SPAG16: variants seen among roughly 807,000 people sequenced by gnomAD.
SPAG16 encodes sperm-associated antigen 16 protein.
In SPAG16, 86 loss-of-function variants were observed where a neutral mutation model predicts 80.4. The observed-to-expected ratio is 1.07, with a 90% CI of 0.90 to 1.28. The LOEUF (loss-of-function observed/expected upper bound fraction) is 1.28, where lower values mean the gene tolerates loss of function less well. SPAG16 is among the 50% of genes most tolerant of loss of function. The probability of loss-of-function intolerance (pLI) is 0.00; values close to 1 mark genes in which losing one functional copy is unlikely to be tolerated. For synonymous variants in SPAG16, 294 were observed against 265.9 expected (o/e 1.11, Z -1.03); for missense variants, 870 against 765.3 (o/e 1.14, Z -1.61).
intron 14 of SPAG16, 59 bp from the exon 15 acceptor site, chr2:214,149,081 A>G (rs530208604): frequency 1.9e-4 from 82 of 429,204 alleles, no homozygotes; most frequent in South Asian, 1.5e-3. Context: ...GTGTGTGTAT[A>G]TATATATATA....
At chr2:214,093,828 A>G (rs1439238290) in intron 13 of SPAG16, among the ~76,000 whole-genome samples, 1 of 152,062 alleles carries the variant, frequency 6.6e-6, no homozygotes, top group Non-Finnish European at 1.5e-5. Flanking sequence ...CAATATATAA[A>G]TGGCATGCTC....
At chr2:213,494,090 A>G (rs547901479) in intron 10 of SPAG16, among the ~76,000 whole-genome samples, 2 of 152,166 alleles carry the variant, frequency 1.3e-5, no homozygotes, top group South Asian at 2.1e-4. Context: ...GCATGATTCT[A>G]GTTTTCCTGC....
At chr2:213,411,827 A>G (rs1346105510) in intron 9 of SPAG16, among the ~76,000 whole-genome samples, 1 of 152,072 alleles carries the variant, frequency 6.6e-6, no homozygotes, top group Non-Finnish European at 1.5e-5. Context: ...AACCTCCCTT[A>G]ACTATCCTCC....
intron 11 of SPAG16, among the ~76,000 whole-genome samples, chr2:213,916,399 G>A (rs2077972304): frequency 6.6e-6 from 1 of 152,098 alleles, no homozygotes; most frequent in Non-Finnish European, 1.5e-5. Context: ...GTTTTTCTCA[G>A]GTTTGTCAAA....
At chr2:213,701,989 C>A (rs530922000) in intron 10 of SPAG16, among the ~76,000 whole-genome samples, 1 of 152,298 alleles carries the variant, frequency 6.6e-6, no homozygotes, top group African/African-American at 2.4e-5. Flanking sequence ...ATAAATGCAC[C>A]AATCAGCACT....
At chr2:213,867,074 T>A (rs2075718071) in intron 11 of SPAG16, among the ~76,000 whole-genome samples, 1 of 152,242 alleles carries the variant, frequency 6.6e-6, no homozygotes. Context: ...GGTTCTGTTT[T>A]TATCTAAGTT....
chr2:213,425,637 G>A, intron 9 of SPAG16, among the ~76,000 whole-genome samples: 1 of 125,356 alleles, frequency 8.0e-6, no homozygotes, highest in African/African-American at 3.1e-5. Context: ...GGGTGACAGA[G>A]CAAGACTCCA....
At chr2:214,275,307 T>C (rs186664844) in intron 15 of SPAG16, among the ~76,000 whole-genome samples, 1 of 152,230 alleles carries the variant, frequency 6.6e-6, no homozygotes, top group Non-Finnish European at 1.5e-5. Flanking sequence ...TCAGATCTGC[T>C]CTGATCTTAG....
chr2:214,275,426 A>T (rs1042866335), intron 15 of SPAG16, among the ~76,000 whole-genome samples: 1 of 152,114 alleles, frequency 6.6e-6, no homozygotes, highest in Non-Finnish European at 1.5e-5. Flanking sequence ...TTTTGTGGGC[A>T]TTTAGTGCTA....
intron 12 of SPAG16, among the ~76,000 whole-genome samples, chr2:213,937,804 C>T (rs4427965): frequency 0.33 from 49,744 of 151,764 alleles, 8,896 homozygotes; most frequent in South Asian, 0.46. Context: ...TTCAATATGG[C>T]TTTGTATGTG....
chr2:214,359,846 T>C (rs1168864585), intron 15 of SPAG16, among the ~76,000 whole-genome samples: 1 of 151,932 alleles, frequency 6.6e-6, no homozygotes, highest in African/African-American at 2.4e-5. Flanking sequence ...GAAGGTTTGG[T>C]CTGCATAATC....
chr2:213,949,927 A>T (rs573470166), intron 12 of SPAG16, among the ~76,000 whole-genome samples: 1 of 152,212 alleles, frequency 6.6e-6, no homozygotes. Flanking sequence ...AGTGAGTACA[A>T]TTCTTACACG....
intron 1 of SPAG16, among the ~76,000 whole-genome samples, chr2:213,287,664 C>T (rs1229412624): frequency 6.6e-6 from 1 of 152,142 alleles, no homozygotes; most frequent in Middle Eastern, 3.2e-3. Flanking sequence ...ATGAAAAAGG[C>T]TCCCCAACCC....
intron 9 of SPAG16, among the ~76,000 whole-genome samples, chr2:213,455,370 CT>C (rs983724237): frequency 6.6e-6 from 1 of 152,154 alleles, no homozygotes; most frequent in Admixed American, 6.5e-5. Context: ...CAAACATCCC[CT>C]TGTACTGGTA....
intron 15 of SPAG16, among the ~76,000 whole-genome samples, chr2:214,404,869 C>T (rs748638899): frequency 5.3e-5 from 8 of 151,928 alleles, no homozygotes; most frequent in Non-Finnish European, 1.0e-4. Flanking sequence ...TTTTAGTTAT[C>T]GGGTACAATT....
intron 12 of SPAG16, among the ~76,000 whole-genome samples, chr2:213,996,990 G>A (rs1226335358): frequency 6.6e-6 from 1 of 152,136 alleles, no homozygotes; most frequent in Admixed American, 6.5e-5. Flanking sequence ...TCTAGGGTCT[G>A]GAAAGAGGGA....
chr2:214,386,667 G>T (rs1004628410), intron 15 of SPAG16, among the ~76,000 whole-genome samples: 1 of 151,966 alleles, frequency 6.6e-6, no homozygotes, highest in Admixed American at 6.6e-5. Flanking sequence ...TTAAAGACCA[G>T]CCTGGGCAAC....
At chr2:214,403,444 A>C (rs1403050914) in intron 15 of SPAG16, among the ~76,000 whole-genome samples, 1 of 151,544 alleles carries the variant, frequency 6.6e-6, no homozygotes, top group Non-Finnish European at 1.5e-5. Flanking sequence ...ATCAACAAGT[A>C]ATCAATATGA....
At chr2:213,421,048 C>T (rs1306196064) in intron 9 of SPAG16, among the ~76,000 whole-genome samples, 7 of 152,172 alleles carry the variant, frequency 4.6e-5, no homozygotes, top group Admixed American at 2.6e-4. Flanking sequence ...CTGAAACAGG[C>T]GGGAGCCTTG....
Sources: gnomAD v4.1 joint callset for allele counts (sites outside exome capture counted in the v4.1 genomes callset) on GRCh38, gnomAD v4.1.1 for gene constraint, MANE v1.5 for transcripts, NCBI Gene and HGNC (gene_info 2026-07-23, HGNC 2026-07-21) for gene names.